The following CERS6 variants were observed in gnomAD, a reference collection of about 807,000 sequenced individuals.
The protein encoded by CERS6 is ceramide synthase 6.
Under a neutral mutation model 56.8 loss-of-function variants are expected in CERS6, and 26 were observed. That is an observed-to-expected ratio of 0.46 (90% CI 0.34 to 0.63). The LOEUF (loss-of-function observed/expected upper bound fraction) is 0.63, where lower values mean the gene tolerates loss of function less well. Among genes scored for constraint, CERS6 ranks in the 30% least tolerant of loss-of-function variants. CERS6 has a pLI of 0.01. For synonymous variants in CERS6, 164 were observed against 173.3 expected (o/e 0.95, Z 0.42); for missense variants, 415 against 467.5 (o/e 0.89, Z 1.04).
rs539631442 is a variant in CERS6, at chr2:168,659,301, A to G, written c.465+28259A>G. On this transcript the variant is annotated intron_variant, in intron 4 of 9. Coordinates refer to ENST00000305747, the MANE Select transcript of CERS6 (RefSeq NM_203463.3). ...AATGCATGTGGGAAAATGTTCAAAT[A>G]GTTCAAAAGAACATGAAAATAACAA... Among the ~76,000 whole-genome samples, 34 of 152,246 alleles carry G rather than the reference A, an allele frequency of 2.2e-4. 1 individual carries two copies. Among genetic ancestry groups the G allele is most frequent in the Non-Finnish European group, 4.7e-4 (32 of 68,040 alleles).
In CERS6 at chr2:168,770,568, A is replaced by C. The variant is rs1684837995; in HGVS notation, c.*906A>C. ...CAGCCAGGTTTTGCCACTACCCTAT[A>C]ATTAGTGCAGTCTTATGTTATAAAA... On this transcript the variant is annotated 3_prime_UTR_variant, in exon 10 of 10. Coordinates refer to ENST00000305747, the MANE Select transcript of CERS6 (RefSeq NM_203463.3). The C allele has an allele frequency of 6.6e-6, 1 of 152,632 alleles. No homozygotes were observed. Among genetic ancestry groups the C allele is most frequent in the African/African-American group, 2.4e-5 (1 of 41,440 alleles). The allele number at this position is 152,632 out of a possible 1,614,324, so 9.5% of individuals were successfully genotyped here.
chr2:168,497,477 C>T (rs16855393), intron 1 of CERS6, among the ~76,000 whole-genome samples: 2,933 of 152,174 alleles, frequency 0.019, 67 homozygotes, highest in African/African-American at 0.052. Flanking sequence ...ATGGGAATAC[C>T]ATAGGTGAGC....
intron 8 of CERS6, among the ~76,000 whole-genome samples, chr2:168,762,228 A>AT (rs1684603006): frequency 6.6e-6 from 1 of 152,150 alleles, no homozygotes. Flanking sequence ...ATGAAAACTA[A>AT]TTTTTTAATT....
chr2:168,763,311 G>C (rs1684632930), intron 8 of CERS6, among the ~76,000 whole-genome samples: 1 of 135,342 alleles, frequency 7.4e-6, no homozygotes, highest in African/African-American at 2.7e-5. Context: ...GTACGATCTT[G>C]GCTCACTGCA....
chr2:168,624,618 C>T (rs1684548553), intron 3 of CERS6, among the ~76,000 whole-genome samples: 2 of 152,034 alleles, frequency 1.3e-5, no homozygotes, highest in Admixed American at 6.6e-5. Context: ...CACCCCCCAC[C>T]CCAAGAGAAC....
chr2:168,704,815 G>T (rs1024146516), intron 6 of CERS6, among the ~76,000 whole-genome samples: 1 of 152,098 alleles, frequency 6.6e-6, no homozygotes, highest in African/African-American at 2.4e-5. Context: ...AGCCAGGATG[G>T]TCTCGATCTC....
intron 2 of CERS6, among the ~76,000 whole-genome samples, chr2:168,559,642 A>C (rs894764468): frequency 5.3e-5 from 8 of 150,038 alleles, no homozygotes; most frequent in Admixed American, 4.7e-4. Flanking sequence ...CACAATGGGC[A>C]TGTGGGTTTC....
At chr2:168,618,433 G>T (rs1684372162) in intron 3 of CERS6, among the ~76,000 whole-genome samples, 1 of 152,172 alleles carries the variant, frequency 6.6e-6, no homozygotes. Context: ...TCACAAGGAA[G>T]TCAAACTGTG....
chr2:168,608,478 A>G (rs1684107471), intron 3 of CERS6, among the ~76,000 whole-genome samples: 1 of 152,248 alleles, frequency 6.6e-6, no homozygotes, highest in Non-Finnish European at 1.5e-5. Flanking sequence ...ACTTTCTAAG[A>G]TACACCATTT....
At chr2:168,481,833 G>A (rs1254137746) in intron 1 of CERS6, among the ~76,000 whole-genome samples, 1 of 152,170 alleles carries the variant, frequency 6.6e-6, no homozygotes, top group Non-Finnish European at 1.5e-5. Context: ...TTATCCTCTT[G>A]TGTCTTGATG....
chr2:168,495,425 A>G (rs1175307043), intron 1 of CERS6, among the ~76,000 whole-genome samples: 3 of 152,158 alleles, frequency 2.0e-5, no homozygotes, highest in African/African-American at 7.2e-5. Flanking sequence ...AAAATGCACA[A>G]TGCAGTTTTC....
At chr2:168,506,481 AC>A (rs1269161927) in intron 1 of CERS6, among the ~76,000 whole-genome samples, 1 of 152,210 alleles carries the variant, frequency 6.6e-6, no homozygotes, top group Non-Finnish European at 1.5e-5. Flanking sequence ...TTTCCCGCCA[AC>A]ATTAAAATGA....
At chr2:168,477,603 G>A (rs1463022451) in intron 1 of CERS6, among the ~76,000 whole-genome samples, 1 of 152,174 alleles carries the variant, frequency 6.6e-6, no homozygotes, top group African/African-American at 2.4e-5. Context: ...TAAAAGCAAT[G>A]TCACAGTGGC....
intron 3 of CERS6, among the ~76,000 whole-genome samples, chr2:168,601,420 G>C (rs571848629): frequency 6.6e-6 from 1 of 152,080 alleles, no homozygotes; most frequent in Admixed American, 6.5e-5. Flanking sequence ...GTGGACCTCT[G>C]CTTTCTGAAG....
Position 168,456,602 on chromosome 2 carries a change from C to T in CERS6, c.154C>T (p.Arg52Trp). 1 of 1,613,602 alleles carries T rather than the reference C, an allele frequency of 6.2e-7. No homozygotes were observed. Among genetic ancestry groups the T allele is most frequent in the African/African-American group, 1.3e-5 (1 of 75,036 alleles). Residue 52 changes from arginine to tryptophan, a missense_variant, in exon 1 of 10, where the codon CGG becomes TGG. By Grantham distance (101) the Arg-to-Trp change is moderately radical. Coordinates refer to ENST00000305747, the MANE Select transcript of CERS6 (RefSeq NM_203463.3). This position sits in a 1 kb window ranked among gnomAD's most constrained non-coding sequence, Gnocchi z 4.1. ...CCTGGCCTTCTGTATCTTCATGGTG[C>T]GGCTCATCTTCGAGAGGTAAGAAGG... ...FPLAFCIFMVRLIFERFVAKP... is the reference protein window; with the variant it reads ...FPLAFCIFMVWLIFERFVAKP...
intron 4 of CERS6, among the ~76,000 whole-genome samples, chr2:168,641,528 A>G (rs1423604533): frequency 6.6e-6 from 1 of 152,128 alleles, no homozygotes. Flanking sequence ...ACATAGAATG[A>G]CCGTCCTCAC....
intron 8 of CERS6, among the ~76,000 whole-genome samples, chr2:168,745,223 CATGTT>C (rs1270386514): frequency 6.7e-6 from 1 of 150,202 alleles, no homozygotes; most frequent in Admixed American, 6.7e-5. Flanking sequence ...TCCAAAATCT[CATGTT>C]ATGTTTATCA....
chr2:168,761,729 T>A (rs532303211), intron 8 of CERS6, among the ~76,000 whole-genome samples: 52 of 152,236 alleles, frequency 3.4e-4, no homozygotes, highest in African/African-American at 1.2e-3. Flanking sequence ...GTAAGGTGTG[T>A]GAGTCCTCCC....
At chr2:168,560,237 AG>A (rs1177721837) in intron 2 of CERS6, among the ~76,000 whole-genome samples, 7 of 152,196 alleles carry the variant, frequency 4.6e-5, no homozygotes, top group African/African-American at 1.7e-4. Flanking sequence ...AGCACAGGAA[AG>A]ATCTGCCCCC....
Sources: allele counts gnomAD v4.1 joint callset (sites outside exome capture counted in the v4.1 genomes callset), GRCh38; gene constraint gnomAD v4.1.1; non-coding constraint Gnocchi (gnomAD v3.1); transcripts MANE v1.5; gene names NCBI Gene and HGNC (gene_info 2026-07-23, HGNC 2026-07-21).